The following SAMSN1 variants were observed in gnomAD, a reference collection of about 807,000 sequenced individuals.
SAMSN1 encodes SAM domain-containing protein SAMSN-1.
A neutral mutation model predicts 42.0 loss-of-function variants in SAMSN1; 31 were observed. The ratio of observed to expected loss-of-function variants is 0.74; its 90% CI spans 0.55 to 1.00. SAMSN1 has a LOEUF of 1.00. SAMSN1 is among the 50% of genes least tolerant of loss of function. The probability of loss-of-function intolerance (pLI) is 0.00; values close to 1 mark genes in which losing one functional copy is unlikely to be tolerated. For missense variants in SAMSN1, 464 were observed against 439.4 expected, an observed-to-expected ratio of 1.06 and a Z score of -0.50; for synonymous variants, 178 against 151.9, an observed-to-expected ratio of 1.17 and a Z score of -1.26.
Position 14,485,898 on chromosome 21 carries a change from T to C in SAMSN1, c.*14A>G. 3 of 1,604,498 alleles carry C rather than the reference T, an allele frequency of 1.9e-6. No homozygotes were observed. Among genetic ancestry groups the C allele is most frequent in the Non-Finnish European group, 2.6e-6 (3 of 1,171,834 alleles). On this transcript the variant is annotated 3_prime_UTR_variant, in exon 8 of 8. Transcript: ENST00000400566. ...ATGGAATGCATCTGTAGATATATAG[T>C]TGGGAATGCGTGTTCAGTCACTTGG...
At chr21:14,622,699 G>A (rs1365665307) in intron 2 of SAMSN1, among the ~76,000 whole-genome samples, 1 of 152,176 alleles carries the variant, frequency 6.6e-6, no homozygotes, top group Non-Finnish European at 1.5e-5. Flanking sequence ...ACACTCTGCA[G>A]GATATTATCA....
intron 5 of SAMSN1, among the ~76,000 whole-genome samples, chr21:14,504,237 G>T (rs1222954945): frequency 6.6e-6 from 1 of 152,026 alleles, no homozygotes; most frequent in Non-Finnish European, 1.5e-5. Flanking sequence ...CACCACCAAT[G>T]AATCCAAACC....
intron 6 of SAMSN1, among the ~76,000 whole-genome samples, chr21:14,599,818 A>G (rs752559042): frequency 2.0e-5 from 3 of 151,304 alleles, no homozygotes; most frequent in Non-Finnish European, 4.4e-5. Flanking sequence ...ACCCAAATAA[A>G]CCTTTTTCTT....
intron 2 of SAMSN1, among the ~76,000 whole-genome samples, chr21:14,567,809 A>G (rs559676585): frequency 1.3e-5 from 2 of 151,432 alleles, no homozygotes; most frequent in African/African-American, 4.8e-5. Context: ...GAGTTCCTCA[A>G]TCTCGGTGCC....
At chr21:14,499,710 C>T (rs1431389049) in intron 6 of SAMSN1, among the ~76,000 whole-genome samples, 1 of 151,964 alleles carries the variant, frequency 6.6e-6, no homozygotes, top group Non-Finnish European at 1.5e-5. Flanking sequence ...GATGCTAACC[C>T]GTACATTCTC....
rs147569267 is a variant in SAMSN1 at position 14,499,028 on chromosome 21, C to T, written c.769-436G>A. On this transcript the variant is annotated intron_variant, in intron 6 of 7. Coordinates refer to ENST00000400566, the MANE Select transcript of SAMSN1 (RefSeq NM_022136.5). ...CTTGTTTTCATGATTGCAAAAGCAT[C>T]TACTCTCAAAACATTCTTGGGGTAG... is the stretch of plus-strand genomic sequence containing the variant. Among the ~76,000 whole-genome samples the T allele has an allele frequency of 4.3e-3, 653 of 152,264 alleles. 4 individuals carry two copies. The highest frequency in any genetic ancestry group is 5.8e-3 in the Non-Finnish European group (395 of 67,994).
chr21:14,606,902 G>A (rs1373448894), intron 5 of SAMSN1, among the ~76,000 whole-genome samples: 1 of 152,128 alleles, frequency 6.6e-6, no homozygotes, highest in African/African-American at 2.4e-5. Context: ...AGAAATCTTA[G>A]CTAAATATAG....
intron 2 of SAMSN1, chr21:14,616,104 C>A: frequency 4.7e-6 from 2 of 421,486 alleles, no homozygotes; most frequent in Non-Finnish European, 4.4e-6. Context: ...AGAATTCATT[C>A]ATTTTCTAGT....
At chr21:14,495,034 T>G (rs145498150) in intron 7 of SAMSN1, among the ~76,000 whole-genome samples, 242 of 152,314 alleles carry the variant, frequency 1.6e-3, no homozygotes, top group African/African-American at 5.7e-3. Flanking sequence ...AACTAGAAAT[T>G]TATTGCCATT....
chr21:14,613,528 CATTAA>C (rs1379046512), intron 3 of SAMSN1, among the ~76,000 whole-genome samples: 1 of 152,090 alleles, frequency 6.6e-6, no homozygotes, highest in Non-Finnish European at 1.5e-5. Flanking sequence ...TCTTTATTGT[CATTAA>C]ATTAAAACTG....
In SAMSN1 at chr21:14,570,074, G is replaced by A. The variant is rs1024463460; in HGVS notation, c.261+12062C>T. Among the ~76,000 whole-genome samples the A allele has an allele frequency of 2.0e-5, 3 of 151,882 alleles. No individual in the cohort carries two copies. In the East Asian group the frequency reaches 5.8e-4, roughly 29 times the overall value. ...GGGTTCACACAGAAAATATTTTGTG[G>A]TGGTTGACTATCACATGCGAGAAAC... is the stretch of plus-strand genomic sequence containing the variant. On this transcript the variant is annotated intron_variant, in intron 2 of 8. Coordinates refer to the SAMSN1 transcript ENST00000285670.
At position 14,605,894 on chromosome 21, in the gene SAMSN1, T is replaced by C. The variant is rs543496745; in HGVS notation, c.322+3588A>G. On this transcript the variant is annotated intron_variant, in intron 5 of 15. Coordinates refer to the SAMSN1 transcript ENST00000647101. ...TCTCACTCTGTCGCCCAGGCTGGAG[T>C]GCAGTGGCGCGATCTGGGTTCACTG... is the stretch of plus-strand genomic sequence containing the variant. Among the ~76,000 whole-genome samples the C allele has an allele frequency of 5.9e-5, 9 of 151,832 alleles. No individual in the cohort carries two copies. The East Asian group carries it at 1.2e-3, about 20-fold the overall frequency.
At chr21:14,534,231 T>C (rs1185057936) in intron 1 of SAMSN1, among the ~76,000 whole-genome samples, 4 of 152,308 alleles carry the variant, frequency 2.6e-5, no homozygotes, top group South Asian at 4.1e-4. Flanking sequence ...TATTGAGAAA[T>C]CACTACTATG....
In SAMSN1 at chr21:14,557,702, C is replaced by T. The variant is rs199887807; in HGVS notation, c.261+24434G>A. Among the ~76,000 whole-genome samples the T allele has an allele frequency of 1.1e-4, 17 of 152,350 alleles. No individual in the cohort carries two copies. The East Asian group carries it at 3.3e-3, about 29-fold the overall frequency. On this transcript the variant is annotated intron_variant, in intron 2 of 8. Coordinates refer to the SAMSN1 transcript ENST00000285670. ...AAATGCACTTGACACAAACTCCACA[C>T]TCTTTTCCATCACCAGGAAGGCTGG...
intron 1 of SAMSN1, among the ~76,000 whole-genome samples, chr21:14,525,694 G>T (rs1385197080): frequency 6.6e-6 from 1 of 152,088 alleles, no homozygotes; most frequent in Non-Finnish European, 1.5e-5. Flanking sequence ...AACACAATTG[G>T]CCATTCTTGA....
intron 2 of SAMSN1, among the ~76,000 whole-genome samples, chr21:14,637,596 A>G (rs936577658): frequency 1.3e-5 from 2 of 152,218 alleles, no homozygotes; most frequent in East Asian, 3.8e-4. Context: ...GCTGCTATTG[A>G]GAATGACTGC....
intron 2 of SAMSN1, among the ~76,000 whole-genome samples, chr21:14,566,782 C>T (rs958800698): frequency 6.6e-6 from 1 of 152,048 alleles, no homozygotes; most frequent in Non-Finnish European, 1.5e-5. Context: ...AAGTGATCTG[C>T]CCACCTCGGC....
intron 1 of SAMSN1, among the ~76,000 whole-genome samples, chr21:14,538,084 C>A (rs1346685639): frequency 6.6e-6 from 1 of 152,070 alleles, no homozygotes; most frequent in African/African-American, 2.4e-5. Flanking sequence ...TACATAAACA[C>A]AAAAATGAAG....
intron 3 of SAMSN1, among the ~76,000 whole-genome samples, chr21:14,614,885 G>A (rs541310649): frequency 2.6e-5 from 4 of 152,146 alleles, no homozygotes; most frequent in Admixed American, 2.6e-4. Flanking sequence ...GAAATCTGAG[G>A]CCCACCTTAA....
Sources: gnomAD v4.1 joint callset for allele counts (sites outside exome capture counted in the v4.1 genomes callset) on GRCh38, gnomAD v4.1.1 for gene constraint, MANE v1.5 for transcripts, NCBI Gene and HGNC (gene_info 2026-07-23, HGNC 2026-07-21) for gene names.